SERAC1: variants seen among roughly 807,000 people sequenced by gnomAD.
SERAC1 encodes serine active site containing 1.
A neutral mutation model predicts 85.7 loss-of-function variants in SERAC1; 36 were observed. That is an observed-to-expected ratio of 0.42 (90% CI 0.32 to 0.55). The LOEUF is 0.55. Ranked by LOEUF, SERAC1 falls within the 20% of genes least tolerant of loss-of-function variation. The probability of loss-of-function intolerance (pLI) is 0.11; values close to 1 mark genes in which losing one functional copy is unlikely to be tolerated. For synonymous variants in SERAC1, 242 were observed against 265.3 expected (o/e 0.91, Z 0.85); for missense variants, 629 against 796.2 (o/e 0.79, Z 2.53).
At position 158,146,786 on chromosome 6, in the gene SERAC1, C is replaced by A; in HGVS notation, c.483G>T (p.Trp161Cys). 6.2e-7 allele frequency: 1 copy of A among 1,613,360 alleles called. No individual in the cohort carries two copies. Among genetic ancestry groups the A allele is most frequent in the Non-Finnish European group, 8.5e-7 (1 of 1,179,518 alleles). ...AVREMSETHH[W>C]HDYQYRIIAQ... ...CTGTTCAGGTAGTCTCATTACCATG[C>A]CAGTGATGGGTCTCCGACATTTCCC... Residue 161 changes from tryptophan to cysteine, a missense_variant, in exon 6 of 17, where the codon TGG (tryptophan) becomes TGT (cysteine). Physicochemically the swap from Trp to Cys is radical, Grantham distance 215 (BLOSUM62 -2). Coordinates refer to ENST00000647468, the MANE Select transcript of SERAC1 (RefSeq NM_032861.4).
In SERAC1 at chr6:158,117,281, C is replaced by T. The variant is rs1276032963; in HGVS notation, c.1403+446G>A. On this transcript the variant is annotated intron_variant, in intron 13 of 16. Coordinates refer to ENST00000647468, the MANE Select transcript of SERAC1 (RefSeq NM_032861.4). This position sits in a 1 kb window ranked among gnomAD's most constrained non-coding sequence, Gnocchi z 4.3. ...AGGTAGGATCCGGCTACTCTCAGTCCAGTAACTCTGAAATCCAGCACTCCT... is the reference window on the plus strand; with the variant it reads ...AGGTAGGATCCGGCTACTCTCAGTCTAGTAACTCTGAAATCCAGCACTCCT... The T allele has an allele frequency of 9.2e-6, 5 of 540,744 alleles. No homozygotes were observed. Among genetic ancestry groups the T allele is most frequent in the African/African-American group, 1.9e-5 (1 of 52,840 alleles). The allele number at this position is 540,744 out of a possible 1,614,324, so 33.5% of individuals were successfully genotyped here. A position where few individuals can be genotyped will look rare whatever the true frequency, so the allele number is the denominator to read the frequency against.
intron 7 of SERAC1, among the ~76,000 whole-genome samples, 157 bp from the exon 8 acceptor site, chr6:158,143,341 CTCTCTCTATATA>C (rs1466773697): frequency 0.13 from 3,253 of 25,826 alleles, 61 homozygotes; most frequent in Admixed American, 0.29. Flanking sequence ...CTCTCTCTCT[CTCTCTCTATATA>C]TATATATATA....
chr6:158,165,061 G>A (rs1476866639), intron 1 of SERAC1, among the ~76,000 whole-genome samples: 1 of 152,160 alleles, frequency 6.6e-6, no homozygotes, highest in African/African-American at 2.4e-5. Context: ...ATAAAAGCAT[G>A]GCTGCCTACC....
intron 3 of SERAC1, among the ~76,000 whole-genome samples, chr6:158,151,683 C>T (rs1439352668): frequency 6.6e-6 from 1 of 152,132 alleles, no homozygotes; most frequent in Admixed American, 6.5e-5. Flanking sequence ...CCTCGGCCTC[C>T]CAAAGTGCTG....
At chr6:158,129,944 C>T (rs1055544102) in intron 9 of SERAC1, among the ~76,000 whole-genome samples, 1 of 152,312 alleles carries the variant, frequency 6.6e-6, no homozygotes, top group Middle Eastern at 3.4e-3. Context: ...GACCCACCCG[C>T]CTCAGCCTCC....
chr6:158,159,489 A>G (rs1583611515), intron 1 of SERAC1, among the ~76,000 whole-genome samples: 1 of 141,720 alleles, frequency 7.1e-6, no homozygotes, highest in East Asian at 2.2e-4. Flanking sequence ...CTCCAGCAAG[A>G]GTGAGACCCG....
At chr6:158,163,396 C>T (rs1785527995) in intron 1 of SERAC1, among the ~76,000 whole-genome samples, 1 of 152,068 alleles carries the variant, frequency 6.6e-6, no homozygotes, top group African/African-American at 2.4e-5. Flanking sequence ...TATAAAATAA[C>T]AATAAAAAGT....
At chr6:158,158,105 G>A (rs1289772891) in intron 2 of SERAC1, among the ~76,000 whole-genome samples, 168 bp downstream of exon 2, 3 of 152,204 alleles carry the variant, frequency 2.0e-5, no homozygotes, top group East Asian at 1.9e-4. Context: ...AAAGGAGTAT[G>A]TATGGCTCTG....
At chr6:158,116,066 CA>C (rs949797480) in intron 14 of SERAC1, 118 bp downstream of exon 14, 3 of 725,314 alleles carry the variant, frequency 4.1e-6, no homozygotes, top group African/African-American at 1.8e-5. Flanking sequence ...ATTAATTTAG[CA>C]GGGGGGGTAA....
At position 158,146,500 on chromosome 6, in the gene SERAC1, C is replaced by T. The variant is rs1037342736; in HGVS notation, c.487+282G>A. 1.1e-4 allele frequency: 24 copies of T among 209,832 alleles called. 1 individual carries two copies. The Middle Eastern group carries it at 5.5e-3, about 48-fold the overall frequency. 13.0% of individuals were successfully genotyped at this position (209,832 alleles called of 1,614,324 possible). The stretch of plus-strand genomic sequence containing the variant: ...CTCGGCTCACTGCAAGCTCTGCCTC[C>T]TGGGTTCACGCCATTCTCCTGCTTC... On this transcript the variant is annotated intron_variant, in intron 6 of 16. Coordinates refer to ENST00000647468, the MANE Select transcript of SERAC1 (RefSeq NM_032861.4).
At chr6:158,125,360 A>T (rs1784516003) in intron 10 of SERAC1, among the ~76,000 whole-genome samples, 1 of 152,240 alleles carries the variant, frequency 6.6e-6, no homozygotes, top group Non-Finnish European at 1.5e-5. Flanking sequence ...GCTTCATGCA[A>T]CATGCAGGCT....
intron 8 of SERAC1, among the ~76,000 whole-genome samples, chr6:158,139,604 A>G (rs1784871042): frequency 6.6e-6 from 1 of 152,250 alleles, no homozygotes; most frequent in African/African-American, 2.4e-5. Flanking sequence ...TCACACCTGT[A>G]GCCTCAGCTA....
rs71027383 is a variant in SERAC1, at chr6:158,147,768, C to CAAAAAA, written c.356-861_356-856dup. ...CTGGGTGACAGAGAAGGCTCTGTCTCAAAAAAAAAAAAAAAAAAAAAAAAA... is the reference window on the plus strand; with the variant it reads ...CTGGGTGACAGAGAAGGCTCTGTCTCAAAAAAAAAAAAAAAAAAAAAAAAAAAAAAA... On this transcript the variant is annotated intron_variant, in intron 5 of 16. Coordinates refer to ENST00000647468, the MANE Select transcript of SERAC1 (RefSeq NM_032861.4). Among the ~76,000 whole-genome samples, 39 of 68,938 alleles carry CAAAAAA rather than the reference C, an allele frequency of 5.7e-4. 4 individuals carry two copies. Among genetic ancestry groups the CAAAAAA allele is most frequent in the African/African-American group, 1.9e-3 (27 of 14,422 alleles). 45.2% of individuals were successfully genotyped at this position (68,938 alleles called of 152,430 possible).
At position 158,162,237 on chromosome 6, in the gene SERAC1, T is replaced by C. The variant is rs1329763724; in HGVS notation, c.-1-3873A>G. On this transcript the variant is annotated intron_variant, in intron 1 of 16. Transcript: ENST00000647468. ...TAACCTCTGTGTCTCACTTTCCTCA[T>C]CTATAAAATGGTGATAATAAGGGAA... 4.6e-5 allele frequency: 7 copies of C among 152,346 alleles called. No homozygotes were observed. The East Asian group carries it at 1.4e-3, about 29-fold the overall frequency. 9.4% of individuals were successfully genotyped at this position (152,346 alleles called of 1,614,324 possible).
intron 9 of SERAC1, among the ~76,000 whole-genome samples, chr6:158,129,778 C>A (rs1209383140): frequency 6.6e-6 from 1 of 151,304 alleles, no homozygotes; most frequent in South Asian, 2.1e-4. Context: ...TTCACTGCAA[C>A]CTCTGCTACC....
At chr6:158,127,391 C>T (rs1431815894) in intron 10 of SERAC1, among the ~76,000 whole-genome samples, 4 of 64,984 alleles carry the variant, frequency 6.2e-5, no homozygotes, top group Admixed American at 1.7e-4. Context: ...AGCCCCCCTG[C>T]CCGGCCAGCC....
chr6:158,138,646 A>G (rs1425802529), intron 8 of SERAC1, among the ~76,000 whole-genome samples: 2 of 152,072 alleles, frequency 1.3e-5, no homozygotes. Context: ...GAACACAGAG[A>G]AGTACACAAG....
In SERAC1 at chr6:158,117,598, T is replaced by A. The variant is rs117405479; in HGVS notation, c.1403+129A>T. On this transcript the variant is annotated intron_variant, in intron 13 of 16. Transcript: ENST00000647468. The surrounding 1 kb of genome is among the most constrained non-coding windows in gnomAD (Gnocchi z 4.3). The stretch of plus-strand genomic sequence containing the variant: ...CTTCTAGAAGGAAGACAAAAAAGAT[T>A]AGGTTTGTTCTTCATAAGAAAATCC... 19 of 1,558,488 alleles carry A rather than the reference T, an allele frequency of 1.2e-5. No homozygotes were observed. In the Admixed American group the frequency reaches 1.8e-4, roughly 14 times the overall value.
intron 6 of SERAC1, 88 bp downstream of exon 6, chr6:158,146,694 G>A: frequency 1.3e-6 from 2 of 1,534,166 alleles, no homozygotes; most frequent in South Asian, 2.4e-5. Context: ...ACAGGCGTGA[G>A]CCACCGCACC....
Sources: gnomAD v4.1 joint callset for allele counts (sites outside exome capture counted in the v4.1 genomes callset) on GRCh38, gnomAD v4.1.1 for gene constraint, Gnocchi (gnomAD v3.1) non-coding constraint, MANE v1.5 for transcripts, NCBI Gene and HGNC (gene_info 2026-07-23, HGNC 2026-07-21) for gene names.